The following CCNQ variants were observed in gnomAD, a reference collection of about 807,000 sequenced individuals.
The protein encoded by CCNQ is cyclin-Q.
In CCNQ, 3 loss-of-function variants were observed where a neutral mutation model predicts 17.7. That is an observed-to-expected ratio of 0.17 (90% CI 0.08 to 0.44). CCNQ has a LOEUF of 0.44. CCNQ is among the 20% of genes least tolerant of loss of function. The pLI, the probability that CCNQ is intolerant of heterozygous loss-of-function variation, is 0.99. For synonymous variants in CCNQ, 73 were observed against 96.0 expected, an observed-to-expected ratio of 0.76 and a Z score of 1.40; for missense variants, 146 against 222.6, an observed-to-expected ratio of 0.66 and a Z score of 2.19.
In CCNQ at chrX:153,593,900, T is replaced by C. The variant is rs782268439; in HGVS notation, c.429+647A>G. On this transcript the variant is annotated intron_variant, in intron 3 of 4. Transcript: ENST00000576892. ...GAGTTCCGATGAAAAAGAATGAAACTCCTAGCCCAGAGCCCCAAACCACAA... is the reference window on the plus strand; with the variant it reads ...GAGTTCCGATGAAAAAGAATGAAACCCCTAGCCCAGAGCCCCAAACCACAA... 6.3e-5 allele frequency among the ~76,000 whole-genome samples: 7 copies of C among 111,685 alleles called. No homozygotes were observed. The Admixed American group carries it at 6.6e-4, about 11-fold the overall frequency.
chrX:153,594,801 G>A (rs1317076291), intron 2 of CCNQ, 122 bp from the exon 3 acceptor site: 6 of 764,732 alleles, frequency 7.8e-6, no homozygotes, highest in Admixed American at 7.5e-5. Context: ...CAGATTCATG[G>A]AGGGTCATTT....
At chrX:153,594,464 T>G in intron 3 of CCNQ, 83 bp downstream of exon 3, 157 of 1,091,112 alleles carry the variant, frequency 1.4e-4, no homozygotes, top group Non-Finnish European at 1.8e-4. Flanking sequence ...CTCTCGAGTA[T>G]GAGATGGGAT....
intron 4 of CCNQ, among the ~76,000 whole-genome samples, chrX:153,590,167 G>A (rs1222949322): frequency 1.1e-5 from 1 of 91,469 alleles, no homozygotes; most frequent in Non-Finnish European, 2.1e-5. Flanking sequence ...GGTGGAGGCT[G>A]TAGTAAGCTG....
intron 3 of CCNQ, 37 bp downstream of exon 3, chrX:153,594,510 A>G (rs1171292303): frequency 1.7e-6 from 2 of 1,205,041 alleles, no homozygotes; most frequent in African/African-American, 3.5e-5. Flanking sequence ...CCATGGCTTG[A>G]GCCTCTCCAA....
intron 4 of CCNQ, 34 bp from the exon 5 acceptor site, chrX:153,588,488 A>C (rs1557025089): frequency 9.5e-7 from 1 of 1,047,208 alleles, no homozygotes; most frequent in Admixed American, 2.2e-5. Context: ...TTCCAGTTAG[A>C]CTCCCTCTAT....
Position 153,588,468 on chromosome X carries a change from G to A in CCNQ, c.658-14C>T, listed in dbSNP as rs782248634. 8.7e-6 allele frequency: 10 copies of A among 1,147,649 alleles called. No homozygotes were observed. In the East Asian group the frequency reaches 3.0e-4, roughly 34 times the overall value. 94.6% of individuals were successfully genotyped at this position (1,147,649 alleles called of 1,213,427 possible). A position where few individuals can be genotyped will look rare whatever the true frequency, so the allele number is the denominator to read the frequency against. On this transcript the variant is annotated splice_polypyrimidine_tract_variant and intron_variant, in intron 4 of 4. Coordinates refer to ENST00000576892, the MANE Select transcript of CCNQ (RefSeq NM_152274.5). ...GTCATTAAACACCTAGAAAGAAGAA[G>A]GAAAACAGGTTCCAGTTAGACTCCC...
chrX:153,588,917 G>A (rs1327430124), intron 4 of CCNQ, among the ~76,000 whole-genome samples: 1 of 112,982 alleles, frequency 8.9e-6, no homozygotes, highest in Non-Finnish European at 1.9e-5. Flanking sequence ...TCCACAGTCC[G>A]GACCGCCACG....
chrX:153,590,231 TA>T lies in CCNQ; in HGVS notation c.658-1778del, dbSNP rs59053078. On this transcript the variant is annotated intron_variant, in intron 4 of 4. Coordinates refer to ENST00000576892, the MANE Select transcript of CCNQ (RefSeq NM_152274.5). ...CAATAGAGTGAGACTCTGTCTCTAT[TA>T]AAAAAAAAAAAAAAAAAAAAAAAAA... Among the ~76,000 whole-genome samples, 121 of 26,443 alleles carry T rather than the reference TA, an allele frequency of 4.6e-3. 2 individuals are homozygous for T. Among genetic ancestry groups the T allele is most frequent in the African/African-American group, 0.02 (115 of 5,729 alleles). 23.0% of individuals were successfully genotyped at this position (26,443 alleles called of 115,157 possible).
At chrX:153,597,903 G>T (rs1557027411) in intron 1 of CCNQ, among the ~76,000 whole-genome samples, 1 of 110,857 alleles carries the variant, frequency 9.0e-6, no homozygotes, top group Non-Finnish European at 1.9e-5. Flanking sequence ...CGAGCAGACG[G>T]TAGCAGATGA....
chrX:153,595,369 C>T (rs936669846), intron 2 of CCNQ, among the ~76,000 whole-genome samples: 6 of 113,808 alleles, frequency 5.3e-5, no homozygotes, highest in East Asian at 5.5e-4. Context: ...CCACCCGCCT[C>T]GGCCTCCCAA....
At chrX:153,588,944 A>G (rs781811607) in intron 4 of CCNQ, among the ~76,000 whole-genome samples, 2 of 113,099 alleles carry the variant, frequency 1.8e-5, no homozygotes, top group Non-Finnish European at 3.8e-5. Flanking sequence ...AGCACTCGCA[A>G]GACGGCGAAG....
At chrX:153,592,762 G>A (rs1160573346) in intron 3 of CCNQ, 29 bp from the exon 4 acceptor site, 1 of 1,145,433 alleles carries the variant, frequency 8.7e-7, no homozygotes, top group African/African-American at 1.8e-5. Flanking sequence ...CAGCCTTTAG[G>A]CCCACCAGCT....
chrX:153,594,353 A>C (rs1339326482), intron 3 of CCNQ, among the ~76,000 whole-genome samples, 194 bp downstream of exon 3: 1 of 113,070 alleles, frequency 8.8e-6, no homozygotes, highest in East Asian at 2.8e-4. Context: ...GAGAAAACCC[A>C]CAGGGGTGGG....
intron 4 of CCNQ, among the ~76,000 whole-genome samples, chrX:153,589,998 C>T (rs2090979699): frequency 9.1e-6 from 1 of 110,132 alleles, no homozygotes. Context: ...GAGGCCGAGG[C>T]GGGTGGATCA....
In CCNQ at chrX:153,598,950, G is replaced by A. The variant is rs782665337; in HGVS notation, c.112+12C>T. The A allele has an allele frequency of 1.9e-5, 21 of 1,118,766 alleles. No homozygotes were observed. The highest frequency in any genetic ancestry group is 3.5e-4 in the Middle Eastern group (1 of 2,829). 92.2% of individuals were successfully genotyped at this position (1,118,766 alleles called of 1,213,427 possible). On this transcript the variant is annotated intron_variant, in intron 1 of 4. Transcript: ENST00000576892. The stretch of plus-strand genomic sequence containing the variant: ...GGCGCCGCCTGTCCTGGCCTCCCCC[G>A]GCCGCGGTTACCTGCCTCCATGATG...
intron 4 of CCNQ, among the ~76,000 whole-genome samples, chrX:153,590,238 A>AAAAAAAAAAAAAAAAAG (rs2090981899): frequency 1.0e-5 from 1 of 99,186 alleles, no homozygotes; most frequent in African/African-American, 3.9e-5. Flanking sequence ...TATTAAAAAA[A>AAAAAAAAAAAAAAAAAG]AAAAAAAAAA....
Position 153,590,231 on chromosome X carries a change from T to TAAAAAAAAAAA in CCNQ, c.658-1788_658-1778dup, listed in dbSNP as rs59053078. Among the ~76,000 whole-genome samples the TAAAAAAAAAAA allele has an allele frequency of 7.9e-4, 21 of 26,452 alleles. 4 individuals carry two copies. Among genetic ancestry groups the TAAAAAAAAAAA allele is most frequent in the Non-Finnish European group, 1.1e-3 (18 of 16,961 alleles). The allele number at this position is 26,452 out of a possible 115,157, so 23.0% of individuals were successfully genotyped here. A position where few individuals can be genotyped will look rare whatever the true frequency, so the allele number is the denominator to read the frequency against. On this transcript the variant is annotated intron_variant, in intron 4 of 4. Transcript: ENST00000576892. ...CAATAGAGTGAGACTCTGTCTCTATTAAAAAAAAAAAAAAAAAAAAAAAAA... is the reference window on the plus strand; with the variant it reads ...CAATAGAGTGAGACTCTGTCTCTATTAAAAAAAAAAAAAAAAAAAAAAAAAAAAAAAAAAAA...
At chrX:153,590,633 C>T (rs1451996861) in intron 4 of CCNQ, among the ~76,000 whole-genome samples, 1 of 111,893 alleles carries the variant, frequency 8.9e-6, no homozygotes, top group Non-Finnish European at 1.9e-5. Flanking sequence ...GTCCCTGGGC[C>T]GCACACTTAA....
rs139186601 is a variant in CCNQ at position 153,592,536 on chromosome X, G to A, written c.627C>T (p.Ala209=). ...ALQVYGVEVP[A]EVEAEKPWWQ... ...ACCACGGCTTCTCAGCCTCGACCTC[G>A]GCGGGCACCTCAACTCCGTAGACCT... The change falls in exon 4 of 5, where the codon GCC becomes GCT. Residue 209 remains alanine (A), a synonymous_variant. Coordinates refer to ENST00000576892, the MANE Select transcript of CCNQ (RefSeq NM_152274.5). 2.0e-3 allele frequency: 2,391 copies of A among 1,211,231 alleles called. 17 individuals carry two copies. The South Asian group carries it at 0.027, about 14-fold the overall frequency.
Sources: gnomAD v4.1 joint callset for allele counts (sites outside exome capture counted in the v4.1 genomes callset) on GRCh38, gnomAD v4.1.1 for gene constraint, MANE v1.5 for transcripts, NCBI Gene and HGNC (gene_info 2026-07-23, HGNC 2026-07-21) for gene names.